FMN1: variants seen among roughly 807,000 people sequenced by gnomAD.
FMN1 encodes formin 1, also known as formin-1.
FMN1 carries 110 observed loss-of-function variants against 132.4 expected under a neutral mutation model. The ratio of observed to expected loss-of-function variants is 0.83; its 90% CI spans 0.71 to 0.97. The LOEUF (loss-of-function observed/expected upper bound fraction) is 0.97, where lower values mean the gene tolerates loss of function less well. FMN1 is among the 50% of genes least tolerant of loss of function. The pLI is 0.00. For missense variants in FMN1, 1,792 were observed against 1,705.3 expected, an observed-to-expected ratio of 1.05 and a Z score of -0.90; for synonymous variants, 722 against 651.7, an observed-to-expected ratio of 1.11 and a Z score of -1.64.
chr15:33,045,320 G>T (rs1172688312), intron 6 of FMN1, among the ~76,000 whole-genome samples: 1 of 152,188 alleles, frequency 6.6e-6, no homozygotes. Context: ...TGGTAGGCAT[G>T]GAGTCCAGGC....
In FMN1 at chr15:32,834,483, T is replaced by TAA. The variant is rs1250485976; in HGVS notation, c.3928+22530_3928+22531dup. Among the ~76,000 whole-genome samples, 4 of 152,226 alleles carry TAA rather than the reference T, an allele frequency of 2.6e-5. No individual in the cohort carries two copies. In the East Asian group the frequency reaches 7.7e-4, roughly 29 times the overall value. On this transcript the variant is annotated intron_variant, in intron 17 of 20. Transcript: ENST00000616417. Reference sequence around the variant, plus strand: ...CTCAAGGAGGAAAAAATCAGACAGATAAAACACAAACAAAAGACAGAAAAC... The same window carrying TAA: ...CTCAAGGAGGAAAAAATCAGACAGATAAAAAACACAAACAAAAGACAGAAAAC...
rs117382859 is a variant in FMN1, at chr15:32,868,219, C to A, written c.3836-11112G>T. Among the ~76,000 whole-genome samples the A allele has an allele frequency of 8.9e-3, 1,361 of 152,266 alleles. 10 individuals carry two copies. Among genetic ancestry groups the A allele is most frequent in the Non-Finnish European group, 0.015 (997 of 68,024 alleles). On this transcript the variant is annotated intron_variant, in intron 16 of 20. Coordinates refer to ENST00000616417, the MANE Select transcript of FMN1 (RefSeq NM_001277313.2). ...GCCTTTGTAACACTGTAGAGCAAGG[C>A]ATTACCTTTCCTTTGTTTAGATACA... is the stretch of plus-strand genomic sequence containing the variant.
chr15:32,891,538 G>A (rs1381965372), intron 15 of FMN1, among the ~76,000 whole-genome samples: 1 of 152,206 alleles, frequency 6.6e-6, no homozygotes, highest in Non-Finnish European at 1.5e-5. Context: ...CCAGCCTAGA[G>A]TTGTTTTTTT....
intron 5 of FMN1, among the ~76,000 whole-genome samples, chr15:33,082,348 C>T (rs2038515691): frequency 6.6e-6 from 1 of 152,120 alleles, no homozygotes; most frequent in Admixed American, 6.5e-5. Context: ...GTTTTAAAAG[C>T]TGGCATGCAA....
chr15:32,823,943 A>ATC (rs1161834295), intron 17 of FMN1, among the ~76,000 whole-genome samples: 1 of 152,250 alleles, frequency 6.6e-6, no homozygotes, highest in Non-Finnish European at 1.5e-5. Flanking sequence ...AACATAGGGA[A>ATC]GACCACATTG....
chr15:33,059,258 G>GTATATATATATAACATTGTA (rs34298669), intron 6 of FMN1, among the ~76,000 whole-genome samples: 1 of 151,990 alleles, frequency 6.6e-6, no homozygotes, highest in Non-Finnish European at 1.5e-5. Context: ...GTATTCCATT[G>GTATATATATATAACATTGTA]TATATATATA....
rs1328769923 is a variant in FMN1 at position 32,888,183 on chromosome 15, C to T, written c.3824G>A (p.Arg1275Lys). 6.2e-7 allele frequency: 1 copy of T among 1,607,864 alleles called. No individual in the cohort carries two copies. Residue 1275 changes from arginine (R) to lysine (K), a missense_variant, in exon 16 of 21, where the codon AGG (arginine) becomes AAG (lysine). By Grantham distance (26) the Arg-to-Lys change is conservative. Transcript: ENST00000616417. Reference protein sequence around the residue: ...DLIKDLRKLKRQLEASEKQMV... With the variant: ...DLIKDLRKLKKQLEASEKQMV... The stretch of plus-strand genomic sequence containing the variant: ...ACAGTTCCTATTACCTTCTAGTTGC[C>T]TCTTCAGTTTTCTCAAATCTTTTAT...
At chr15:32,929,480 T>C (rs910279810) in intron 9 of FMN1, among the ~76,000 whole-genome samples, 17 of 152,336 alleles carry the variant, frequency 1.1e-4, no homozygotes, top group African/African-American at 3.8e-4. Context: ...AAAATTTAAA[T>C]GTATAGTACA....
intron 2 of FMN1, among the ~76,000 whole-genome samples, chr15:33,182,270 G>C (rs1965730756): frequency 6.6e-6 from 1 of 152,144 alleles, no homozygotes. Flanking sequence ...CATTCAAGTG[G>C]GTTCTTAGAA....
intron 4 of FMN1, among the ~76,000 whole-genome samples, chr15:33,107,685 C>T (rs1018641929): frequency 2.0e-5 from 3 of 152,078 alleles, no homozygotes; most frequent in Non-Finnish European, 4.4e-5. Context: ...AGCAGAAAGG[C>T]TTTCTTGTCA....
At chr15:33,127,994 G>A (rs576519005) in intron 4 of FMN1, among the ~76,000 whole-genome samples, 4 of 152,252 alleles carry the variant, frequency 2.6e-5, no homozygotes, top group South Asian at 2.1e-4. Context: ...GAAGGGCAAC[G>A]GGGGAAGGGG....
rs1048079898 is a variant in FMN1 at position 32,840,618 on chromosome 15, A to G, written c.3928+16397T>C. 3.9e-5 allele frequency among the ~76,000 whole-genome samples: 6 copies of G among 152,190 alleles called. No homozygotes were observed. In the East Asian group the frequency reaches 9.6e-4, roughly 24 times the overall value. Reference sequence around the variant, plus strand: ...TTCCAGGGATCTCAGAAGCTTGGCTATTTCGTTCAGTGCCAAGGAGGCAAA... The same window carrying G: ...TTCCAGGGATCTCAGAAGCTTGGCTGTTTCGTTCAGTGCCAAGGAGGCAAA... On this transcript the variant is annotated intron_variant, in intron 17 of 20. Coordinates refer to ENST00000616417, the MANE Select transcript of FMN1 (RefSeq NM_001277313.2).
At chr15:33,133,320 G>A (rs559930779) in intron 4 of FMN1, among the ~76,000 whole-genome samples, 4 of 152,174 alleles carry the variant, frequency 2.6e-5, no homozygotes, top group Admixed American at 6.5e-5. Flanking sequence ...CAGCCTCTGC[G>A]ACTCTGAGCA....
intron 17 of FMN1, among the ~76,000 whole-genome samples, chr15:32,805,796 T>C (rs2057658622): frequency 7.0e-6 from 1 of 143,138 alleles, no homozygotes; most frequent in African/African-American, 2.4e-5. Flanking sequence ...ATGGGAATCT[T>C]GCCGCATACT....
At chr15:33,186,067 ATGCAACCTTTGTGAATGG>A (rs1965874218) in intron 2 of FMN1, among the ~76,000 whole-genome samples, 2 of 151,938 alleles carry the variant, frequency 1.3e-5, no homozygotes, top group Non-Finnish European at 1.5e-5. Context: ...CTCTCCTTCA[ATGCAACCTTTGTGAATGG>A]TTCTCCAGTC....
rs573888641 is a variant in FMN1 at position 32,967,574 on chromosome 15, A to G, written c.2987+1140T>C. Among the ~76,000 whole-genome samples the G allele has an allele frequency of 7.9e-5, 12 of 152,338 alleles. No homozygotes were observed. In the East Asian group the frequency reaches 2.3e-3, roughly 29 times the overall value. ...GCAGAAGCTATTACAGGATCATCTC[A>G]CTTTTTTATGAACCATTCATTTGGG... On this transcript the variant is annotated intron_variant, in intron 8 of 20. Coordinates refer to ENST00000616417, the MANE Select transcript of FMN1 (RefSeq NM_001277313.2).
intron 17 of FMN1, among the ~76,000 whole-genome samples, chr15:32,853,690 T>C (rs948331297): frequency 5.3e-5 from 8 of 152,248 alleles, no homozygotes; most frequent in African/African-American, 1.9e-4. Flanking sequence ...CATACTGCTG[T>C]GAACTATAAT....
intron 3 of FMN1, among the ~76,000 whole-genome samples, chr15:33,158,476 A>G (rs549619308): frequency 2.0e-5 from 3 of 152,236 alleles, no homozygotes; most frequent in African/African-American, 4.8e-5. Flanking sequence ...CTATTGCCTC[A>G]TCCACCCAGA....
intron 19 of FMN1, among the ~76,000 whole-genome samples, chr15:32,785,446 T>C (rs890742325): frequency 3.2e-4 from 49 of 151,664 alleles, no homozygotes; most frequent in African/African-American, 1.2e-3. Context: ...TGGTTCAGGT[T>C]TGGGTTTACA....
Sources: gnomAD v4.1 joint callset for allele counts (sites outside exome capture counted in the v4.1 genomes callset) on GRCh38, gnomAD v4.1.1 for gene constraint, MANE v1.5 for transcripts, NCBI Gene and HGNC (gene_info 2026-07-23, HGNC 2026-07-21) for gene names.